COL6A6: variants seen among roughly 807,000 people sequenced by gnomAD.
The protein encoded by COL6A6 is collagen alpha-6(VI) chain.
A neutral mutation model predicts 208.6 loss-of-function variants in COL6A6; 183 were observed. That is an observed-to-expected ratio of 0.88 (90% confidence interval 0.78 to 0.99). The LOEUF is 0.99. Ranked by LOEUF, COL6A6 falls within the 50% of genes least tolerant of loss-of-function variation. The probability of loss-of-function intolerance (pLI) is 0.00; values close to 1 mark genes in which losing one functional copy is unlikely to be tolerated. For synonymous variants in COL6A6, 973 were observed against 1,011.8 expected, an observed-to-expected ratio of 0.96 and a Z score of 0.73; for missense variants, 2,816 against 2,815.2, an observed-to-expected ratio of 1.00 and a Z score of -0.01.
At chr3:130,634,202 T>TAAAAAAAAAAA (rs1177021616) in intron 26 of COL6A6, among the ~76,000 whole-genome samples, 1 of 36,394 alleles carries the variant, frequency 2.7e-5, no homozygotes, top group Non-Finnish European at 4.0e-5. Flanking sequence ...TATAAAATGT[T>TAAAAAAAAAAA]AAAAAAAAAA....
At chr3:130,612,889 GT>G (rs2064402819) in intron 23 of COL6A6, among the ~76,000 whole-genome samples, 1 of 152,100 alleles carries the variant, frequency 6.6e-6, no homozygotes, top group Admixed American at 6.5e-5. Flanking sequence ...TGGCTTGTAA[GT>G]TTGCTTAAGT....
intron 11 of COL6A6, among the ~76,000 whole-genome samples, chr3:130,587,527 G>A (rs781594954): frequency 3.3e-5 from 5 of 152,350 alleles, no homozygotes; most frequent in Non-Finnish European, 7.3e-5. Context: ...CCTAATGCCT[G>A]TATAAGATGT....
intron 24 of COL6A6, 135 bp from the exon 25 acceptor site, chr3:130,626,350 C>A: frequency 1.5e-6 from 1 of 677,828 alleles, no homozygotes; most frequent in Non-Finnish European, 2.7e-6. Context: ...CCAACAACAG[C>A]AGTTCCTCTT....
chr3:130,594,517 AGT>A lies in COL6A6; in HGVS notation c.4533+175_4533+176del, dbSNP rs1409008723. The A allele has an allele frequency of 1.6e-5, 8 of 499,318 alleles. No homozygotes were observed. In the East Asian group the frequency reaches 2.3e-4, roughly 14 times the overall value. 30.9% of individuals were successfully genotyped at this position (499,318 alleles called of 1,614,324 possible). The stretch of plus-strand genomic sequence containing the variant: ...CTAGATCCTCTTCATATACTGAATG[AGT>A]ATGAGCAGTAAAAAGCCCTTACATG... On this transcript the variant is annotated intron_variant, in intron 18 of 36. Coordinates refer to ENST00000358511, the MANE Select transcript of COL6A6 (RefSeq NM_001102608.3).
intron 1 of COL6A6, among the ~76,000 whole-genome samples, chr3:130,524,521 T>C (rs1430791503): frequency 6.6e-6 from 1 of 152,226 alleles, no homozygotes; most frequent in Admixed American, 6.5e-5. Context: ...GTGTTGTCTA[T>C]GTTGGAGTCC....
At chr3:130,609,767 G>T (rs376797869) in intron 22 of COL6A6, among the ~76,000 whole-genome samples, 2 of 152,070 alleles carry the variant, frequency 1.3e-5, no homozygotes, top group African/African-American at 4.8e-5. Context: ...GTTAAAAAAA[G>T]TAACTATTAT....
chr3:130,670,941 C>T (rs1040390488), intron 36 of COL6A6, among the ~76,000 whole-genome samples: 13 of 152,166 alleles, frequency 8.5e-5, no homozygotes, highest in African/African-American at 3.1e-4. Context: ...ACAATTCTTC[C>T]AGTGTCGCCC....
At position 130,581,606 on chromosome 3, in the gene COL6A6, A is replaced by T. The variant is rs766718166; in HGVS notation, c.3593A>T (p.Glu1198Val). The T allele has an allele frequency of 6.2e-7, 1 of 1,613,572 alleles. No homozygotes were observed. Among genetic ancestry groups the T allele is most frequent in the Non-Finnish European group, 8.5e-7 (1 of 1,179,630 alleles). ...VVVGFDVSTQ[E>V]KGQTLLEGQP... is the part of the protein sequence containing the mutation. ...GTGGGATTTGATGTCTCAACTCAGG[A>T]GAAAGGGCAGACTTTGCTTGAAGGT... is the stretch of plus-strand genomic sequence containing the variant. Residue 1198 changes from glutamate (E) to valine (V), a missense_variant, in exon 9 of 37, where the codon GAG becomes GTG. Coordinates refer to ENST00000358511, the MANE Select transcript of COL6A6 (RefSeq NM_001102608.3).
Position 130,656,778 on chromosome 3 carries a change from G to A in COL6A6, c.5734-1898G>A, listed in dbSNP as rs115828810. Among the ~76,000 whole-genome samples, 1,201 of 152,320 alleles carry A rather than the reference G, an allele frequency of 7.9e-3. 17 individuals are homozygous for A. Among genetic ancestry groups the A allele is most frequent in the African/African-American group, 0.028 (1,149 of 41,578 alleles). On this transcript the variant is annotated intron_variant, in intron 33 of 36. Coordinates refer to ENST00000358511, the MANE Select transcript of COL6A6 (RefSeq NM_001102608.3). ...GAGAACCCCCCTTGGACTCCCTCTCGTGCTTGTTAGCACCCAAACTCGGGA... is the reference window on the plus strand; with the variant it reads ...GAGAACCCCCCTTGGACTCCCTCTCATGCTTGTTAGCACCCAAACTCGGGA...
chr3:130,565,274 G>C lies in COL6A6; in HGVS notation c.942G>C (p.Lys314Asn), dbSNP rs1437927346. ...CCTATACTGGAGCTGCCATCAAAAA[G>C]CTCAGGAAGGAAGTTTTTAGTGCAC... ...GKAYTGAAIK[K>N]LRKEVFSARN... Residue 314 changes from lysine to asparagine, a missense_variant, in exon 4 of 37, where the codon AAG (lysine) becomes AAC (asparagine). Lys to Asn is a moderately conservative substitution (Grantham distance 94, BLOSUM62 0). Transcript: ENST00000358511. 1 of 1,613,892 alleles carries C rather than the reference G, an allele frequency of 6.2e-7. No homozygotes were observed. The highest frequency in any genetic ancestry group is 1.3e-5 in the African/African-American group (1 of 74,930).
chr3:130,642,139 C>G (rs1372797228), intron 29 of COL6A6, among the ~76,000 whole-genome samples: 1 of 152,010 alleles, frequency 6.6e-6, no homozygotes, highest in Non-Finnish European at 1.5e-5. Context: ...TTGGGTGTCT[C>G]TCTTTGAAAG....
chr3:130,594,856 A>C (rs998630201), intron 18 of COL6A6, among the ~76,000 whole-genome samples: 29 of 152,200 alleles, frequency 1.9e-4, no homozygotes, highest in African/African-American at 6.8e-4. Flanking sequence ...CAGGCAAGAG[A>C]GCTTGTGCAG....
At chr3:130,553,540 C>A (rs2062695974) in intron 1 of COL6A6, among the ~76,000 whole-genome samples, 1 of 152,018 alleles carries the variant, frequency 6.6e-6, no homozygotes, top group Non-Finnish European at 1.5e-5. Context: ...CTTCTTTCAT[C>A]TCCTGTATCA....
chr3:130,623,177 G>A lies in COL6A6; in HGVS notation c.4878+1294G>A, dbSNP rs192205859. The stretch of plus-strand genomic sequence containing the variant: ...AGTGTAGAAATATTATGAAGCTTAG[G>A]CTGTGCATGGTGGCTCACCCCTGTA... On this transcript the variant is annotated intron_variant, in intron 24 of 36. Transcript: ENST00000358511. 2.6e-5 allele frequency among the ~76,000 whole-genome samples: 4 copies of A among 152,240 alleles called. No individual in the cohort carries two copies. In the East Asian group the frequency reaches 7.7e-4, roughly 29 times the overall value.
chr3:130,608,151 T>A (rs2064241438), intron 21 of COL6A6, among the ~76,000 whole-genome samples: 1 of 152,238 alleles, frequency 6.6e-6, no homozygotes, highest in Admixed American at 6.5e-5. Context: ...GGATTAAGTT[T>A]CAACATACGT....
intron 36 of COL6A6, among the ~76,000 whole-genome samples, chr3:130,666,293 T>C (rs1300291858): frequency 1.3e-5 from 2 of 152,218 alleles, no homozygotes; most frequent in African/African-American, 2.4e-5. Flanking sequence ...GATGATATTA[T>C]TGAATTAATG....
In COL6A6 at chr3:130,675,508, T is replaced by C. The variant is rs2066337874; in HGVS notation, c.*111T>C. 1 of 733,382 alleles carries C rather than the reference T, an allele frequency of 1.4e-6. No homozygotes were observed. The highest frequency in any genetic ancestry group is 2.7e-5 in the East Asian group (1 of 36,888). 45.4% of individuals were successfully genotyped at this position (733,382 alleles called of 1,614,324 possible). On this transcript the variant is annotated 3_prime_UTR_variant, in exon 37 of 37. Transcript: ENST00000358511. The stretch of plus-strand genomic sequence containing the variant: ...AACAGTTTGTAGGTTATCAGGTGAC[T>C]TGACCCCCTGCATTCATTGGTATTA...
chr3:130,586,541 C>T lies in COL6A6; in HGVS notation c.4006C>T (p.Pro1336Ser), dbSNP rs766909142. The change falls in exon 11 of 37, where the codon CCT becomes TCT. Residue 1336 changes from proline (P) to serine (S), a missense_variant. By Grantham distance (74) the Pro-to-Ser change is moderately conservative. Transcript: ENST00000358511. The stretch of plus-strand genomic sequence containing the variant: ...CCTCATAACTGTTGCTCTGGATGGA[C>T]CTGCTGATTCAAGTGACTTGGCTGA... ...NALITVALDGPADSSDLADLP... is the reference protein window; with the variant it reads ...NALITVALDGSADSSDLADLP... 5.0e-6 allele frequency: 8 copies of T among 1,613,696 alleles called. No homozygotes were observed. Among genetic ancestry groups the T allele is most frequent in the Admixed American group, 3.3e-5 (2 of 59,986 alleles).
chr3:130,560,289 C>T, intron 1 of COL6A6, 45 bp from the exon 2 acceptor site: 1 of 1,269,692 alleles, frequency 7.9e-7, no homozygotes, highest in Non-Finnish European at 1.1e-6. Flanking sequence ...GTCTTAATTC[C>T]CAAATAATAT....
Sources: gnomAD v4.1 joint callset for allele counts (sites outside exome capture counted in the v4.1 genomes callset) on GRCh38, gnomAD v4.1.1 for gene constraint, MANE v1.5 for transcripts, NCBI Gene and HGNC (gene_info 2026-07-23, HGNC 2026-07-21) for gene names.